The following CEP290 variants were observed in gnomAD, a reference collection of about 807,000 sequenced individuals.
The protein encoded by CEP290 is centrosomal protein 290.
A neutral mutation model predicts 344.9 loss-of-function variants in CEP290; 317 were observed. That is an observed-to-expected ratio of 0.92 (90% confidence interval 0.84 to 1.01). The LOEUF is 1.01. CEP290 is among the 50% of genes least tolerant of loss of function. The pLI is 0.00. For missense variants in CEP290, 2,754 were observed against 2,761.4 expected, an observed-to-expected ratio of 1.00 and a Z score of 0.06; for synonymous variants, 932 against 895.8, an observed-to-expected ratio of 1.04 and a Z score of -0.72.
chr12:88,078,514 G>A (rs1179567589), intron 39 of CEP290, among the ~76,000 whole-genome samples: 1 of 152,040 alleles, frequency 6.6e-6, no homozygotes, highest in South Asian at 2.1e-4. Flanking sequence ...GTTTGGTGAG[G>A]TGCAGAGGAA....
intron 23 of CEP290, among the ~76,000 whole-genome samples, chr12:88,108,066 T>C (rs892049408): frequency 6.6e-6 from 1 of 152,058 alleles, no homozygotes; most frequent in African/African-American, 2.4e-5. Context: ...TAGAACACCA[T>C]GTTGTATACC....
At chr12:88,108,556 T>A in intron 23 of CEP290, among the ~76,000 whole-genome samples, 1 of 152,196 alleles carries the variant, frequency 6.6e-6, no homozygotes, top group East Asian at 1.9e-4. Context: ...GAAATCATTC[T>A]ATTGATTTAG....
In CEP290 at chr12:88,139,125, G is replaced by T. The variant is rs1339796153; in HGVS notation, c.297+20C>A. The T allele has an allele frequency of 8.7e-7, 1 of 1,146,292 alleles. No individual in the cohort carries two copies. 71.0% of individuals were successfully genotyped at this position (1,146,292 alleles called of 1,614,324 possible). A position where few individuals can be genotyped will look rare whatever the true frequency, so the allele number is the denominator to read the frequency against. On this transcript the variant is annotated intron_variant, in intron 5 of 53. Coordinates refer to ENST00000552810, the MANE Select transcript of CEP290 (RefSeq NM_025114.4). ...TAAAATTAATGACAATTACATCCTA[G>T]GGAATACAAAAAGACATACCTCCAG...
chr12:88,065,541 A>T (rs190735036), intron 44 of CEP290, among the ~76,000 whole-genome samples: 49 of 152,296 alleles, frequency 3.2e-4, no homozygotes, highest in African/African-American at 1.1e-3. Context: ...ATTAGACAGG[A>T]TAACTTTTAA....
In CEP290 at chr12:88,077,281, G is replaced by T; in HGVS notation, c.5650C>A (p.Leu1884Ile). Reference sequence around the variant, plus strand: ...ACCTTTCCCTCTAATTGGTTCTCTAGTTTTTTAACTTTCCTTTGGAGTTCT... The same window carrying T: ...ACCTTTCCCTCTAATTGGTTCTCTATTTTTTTAACTTTCCTTTGGAGTTCT... ...IEELQRKVKK[L>I]ENQLEGKVEE... Residue 1884 changes from leucine to isoleucine, a missense_variant, in exon 41 of 54, where the codon CTA becomes ATA. Coordinates refer to ENST00000552810, the MANE Select transcript of CEP290 (RefSeq NM_025114.4). 1 of 1,602,848 alleles carries T rather than the reference G, an allele frequency of 6.2e-7. No homozygotes were observed.
intron 22 of CEP290, among the ~76,000 whole-genome samples, chr12:88,110,442 G>A (rs2038602625): frequency 6.6e-6 from 1 of 152,066 alleles, no homozygotes; most frequent in South Asian, 2.1e-4. Context: ...TGTGTGCAGT[G>A]GCTCACGTCT....
Position 88,057,515 on chromosome 12 carries a change from G to A in CEP290, c.6818+1333C>T, listed in dbSNP as rs115768027. On this transcript the variant is annotated intron_variant, in intron 49 of 53. Transcript: ENST00000552810. The stretch of plus-strand genomic sequence containing the variant: ...GCTAGGGTCCAATAAGACAGTAGAA[G>A]AGACCCCTTCTCCCACTCCATATCA... Among the ~76,000 whole-genome samples, 1,142 of 152,278 alleles carry A rather than the reference G, an allele frequency of 7.5e-3. 19 individuals are homozygous for A. The highest frequency in any genetic ancestry group is 0.026 in the African/African-American group (1,096 of 41,560).
Position 88,077,345 on chromosome 12 carries a change from C to A in CEP290, c.5587-1G>T. 3 of 1,478,914 alleles carry A rather than the reference C, an allele frequency of 2.0e-6. No individual in the cohort carries two copies. The highest frequency in any genetic ancestry group is 1.4e-5 in the South Asian group (1 of 73,238). 91.6% of individuals were successfully genotyped at this position (1,478,914 alleles called of 1,614,324 possible). On this transcript the variant is annotated splice_acceptor_variant, in intron 40 of 53. Coordinates refer to ENST00000552810, the MANE Select transcript of CEP290 (RefSeq NM_025114.4). LOFTEE classifies it high-confidence loss of function. ...GTTTATTATCTGTCAGGGGTTTGCCCTAAAAAATAAAATGTAACTTTATAT... is the reference window on the plus strand; with the variant it reads ...GTTTATTATCTGTCAGGGGTTTGCCATAAAAAATAAAATGTAACTTTATAT...
chr12:88,113,063 A>T (rs1454436986), intron 20 of CEP290, among the ~76,000 whole-genome samples: 1 of 152,112 alleles, frequency 6.6e-6, no homozygotes, highest in African/African-American at 2.4e-5. Flanking sequence ...TTGCTAGGTG[A>T]TTTGTGAATT....
At chr12:88,064,902 A>G (rs1014520225) in intron 44 of CEP290, among the ~76,000 whole-genome samples, 2 of 152,130 alleles carry the variant, frequency 1.3e-5, no homozygotes, top group Non-Finnish European at 2.9e-5. Context: ...AAGAACTGCC[A>G]TAATTCTTTA....
At position 88,071,408 on chromosome 12, in the gene CEP290, G is replaced by A. The variant is rs758850576; in HGVS notation, c.5897C>T (p.Thr1966Ile). Residue 1966 changes from threonine to isoleucine, a missense_variant, in exon 43 of 54, where the codon ACA (threonine) becomes ATA (isoleucine). Coordinates refer to ENST00000552810, the MANE Select transcript of CEP290 (RefSeq NM_025114.4). Reference sequence around the variant, plus strand: ...AACCTGATCAACAGTCATGCCAGTTGTTTTTAGTTTCCTCTGCAAAGTAAG... The same window carrying A: ...AACCTGATCAACAGTCATGCCAGTTATTTTTAGTTTCCTCTGCAAAGTAAG... Reference protein sequence around the residue: ...EKLTLQRKLKTTGMTVDQVLG... With the variant: ...EKLTLQRKLKITGMTVDQVLG... The A allele has an allele frequency of 1.2e-6, 2 of 1,610,784 alleles. No homozygotes were observed. Among genetic ancestry groups the A allele is most frequent in the African/African-American group, 2.7e-5 (2 of 74,668 alleles).
chr12:88,067,984 C>T (rs1391065838), intron 44 of CEP290, among the ~76,000 whole-genome samples: 3 of 151,966 alleles, frequency 2.0e-5, no homozygotes, highest in South Asian at 2.1e-4. Context: ...ATATCATGCC[C>T]TTGTATTTAT....
At position 88,118,541 on chromosome 12, in the gene CEP290, A is replaced by G. The variant is rs2039206876; in HGVS notation, c.1653T>C (p.Asp551=). The part of the protein sequence containing the change: ...EIESLEEERL[D]LKKKIRQMAQ... ...CCATTTGACGAATTTTTTTTTTCAG[A>G]TCAAGTCGTTCTTCCTCTAGACTTT... Residue 551 remains aspartate, a synonymous_variant, in exon 17 of 54, where the codon GAT becomes GAC. Transcript: ENST00000552810. The G allele has an allele frequency of 1.3e-6, 2 of 1,581,438 alleles. No individual in the cohort carries two copies. The highest frequency in any genetic ancestry group is 1.3e-5 in the African/African-American group (1 of 74,220).
chr12:88,130,062 A>G (rs941759334), intron 9 of CEP290, among the ~76,000 whole-genome samples, 186 bp from the exon 10 acceptor site: 1 of 152,018 alleles, frequency 6.6e-6, no homozygotes, highest in Non-Finnish European at 1.5e-5. Context: ...AAGGACCTCA[A>G]TTGTTCTTAA....
At position 88,089,197 on chromosome 12, in the gene CEP290, T is replaced by C; in HGVS notation, c.3864A>G (p.Lys1288=). The part of the protein sequence containing the change: ...LPLAQQEKFS[K]TMIQLQNDKL... ...TGTCATTTTGTAGTTGAATCATTGT[T>C]TTGGAGAACTTTTCCTGTTGTGCCA... Residue 1288 remains lysine, a synonymous_variant, in exon 31 of 54, where the codon AAA becomes AAG. Coordinates refer to ENST00000552810, the MANE Select transcript of CEP290 (RefSeq NM_025114.4). 2 of 1,613,232 alleles carry C rather than the reference T, an allele frequency of 1.2e-6. No homozygotes were observed. Among genetic ancestry groups the C allele is most frequent in the Non-Finnish European group, 8.5e-7 (1 of 1,179,454 alleles).
chr12:88,130,779 C>T (rs373814462), intron 7 of CEP290, among the ~76,000 whole-genome samples: 1 of 151,930 alleles, frequency 6.6e-6, no homozygotes, highest in African/African-American at 2.4e-5. Flanking sequence ...AAACAATGTA[C>T]AAACATTATT....
intron 35 of CEP290, 142 bp from the exon 36 acceptor site, chr12:88,084,096 C>T: frequency 1.7e-6 from 1 of 595,532 alleles, no homozygotes; most frequent in Non-Finnish European, 2.9e-6. Flanking sequence ...ATGTATGTAT[C>T]TAGACTGGTA....
At chr12:88,069,092 A>G (rs1229578187) in intron 43 of CEP290, among the ~76,000 whole-genome samples, 4 of 152,146 alleles carry the variant, frequency 2.6e-5, no homozygotes, top group Non-Finnish European at 4.4e-5. Context: ...GTCTAAAAAC[A>G]TCCACTTGAC....
rs903257336 is a variant in CEP290, at chr12:88,106,887, G to A, written c.2605C>T (p.Gln869Ter). Residue 869 changes from glutamine to a stop codon, truncating the protein, a stop_gained, in exon 25 of 54, where the codon CAG becomes TAG. Transcript: ENST00000552810. LOFTEE classifies it high-confidence loss of function. ...TTTTTCATTTCATCCGAATCCATCT[G>A]AAGAGCATTGAGCAAATTCTGCACA... The part of the protein sequence containing the change: ...KEYNNLLNAL[Q>*]MDSDEMKKIL... 3 of 1,604,974 alleles carry A rather than the reference G, an allele frequency of 1.9e-6. No individual in the cohort carries two copies. In the Admixed American group the frequency reaches 5.1e-5, roughly 27 times the overall value.
Sources: gnomAD v4.1 joint callset for allele counts (sites outside exome capture counted in the v4.1 genomes callset) on GRCh38, gnomAD v4.1.1 for gene constraint, MANE v1.5 for transcripts, NCBI Gene and HGNC (gene_info 2026-07-23, HGNC 2026-07-21) for gene names.